The following ORC5 variants were observed in gnomAD, a reference collection of about 807,000 sequenced individuals.
The protein encoded by ORC5 is origin recognition complex subunit 5, also known as protein phosphatase 1, regulatory subunit 117.
In ORC5, 39 loss-of-function variants were observed where a neutral mutation model predicts 58.8. The ratio of observed to expected loss-of-function variants is 0.66; its 90% CI spans 0.51 to 0.87. The LOEUF (loss-of-function observed/expected upper bound fraction) is 0.87. Ranked by LOEUF, ORC5 falls within the 40% of genes least tolerant of loss-of-function variation. The pLI, the probability that ORC5 is intolerant of heterozygous loss-of-function variation, is 0.00. For missense variants in ORC5, 493 were observed against 506.3 expected (o/e 0.97, Z 0.25); for synonymous variants, 218 against 177.6 (o/e 1.23, Z -1.81).
chr7:104,166,744 A>G (rs370162554), intron 10 of ORC5, 28 bp downstream of exon 10: 567 of 1,191,580 alleles, frequency 4.8e-4, no homozygotes, highest in Non-Finnish European at 6.2e-4. Flanking sequence ...CTTAAAAAAT[A>G]AAGTGAAAAG....
At chr7:104,157,732 G>T (rs946475833) in intron 12 of ORC5, among the ~76,000 whole-genome samples, 5 of 152,014 alleles carry the variant, frequency 3.3e-5, no homozygotes, top group African/African-American at 1.2e-4. Flanking sequence ...TCTAAAAACA[G>T]AAAATGCTCT....
chr7:104,149,192 A>C (rs1798807489), intron 12 of ORC5, among the ~76,000 whole-genome samples: 1 of 152,212 alleles, frequency 6.6e-6, no homozygotes. Flanking sequence ...ACAACTCATA[A>C]AATATTAAAA....
chr7:104,137,283 AC>A (rs899343802), intron 12 of ORC5, among the ~76,000 whole-genome samples: 6 of 138,156 alleles, frequency 4.3e-5, no homozygotes, highest in South Asian at 4.8e-4. Flanking sequence ...AAAAAAAAAA[AC>A]AATTTTTTAT....
chr7:104,147,544 A>G (rs1230147587), intron 12 of ORC5, among the ~76,000 whole-genome samples: 3 of 152,166 alleles, frequency 2.0e-5, no homozygotes, highest in African/African-American at 2.4e-5. Context: ...AGGACTTGAA[A>G]CTTTGGAGAT....
intron 12 of ORC5, among the ~76,000 whole-genome samples, chr7:104,145,265 C>T (rs1235370178): frequency 6.6e-6 from 1 of 152,132 alleles, no homozygotes; most frequent in Non-Finnish European, 1.5e-5. Flanking sequence ...TATTCAGTGA[C>T]ACATCTGTGA....
chr7:104,173,842 TTTC>T lies in ORC5; in HGVS notation c.825-5320_825-5318del, dbSNP rs1272060526. Among the ~76,000 whole-genome samples the T allele has an allele frequency of 1.4e-3, 125 of 89,616 alleles. 2 individuals are homozygous for T. Among genetic ancestry groups the T allele is most frequent in the East Asian group, 9.8e-3 (35 of 3,586 alleles). The allele number at this position is 89,616 out of a possible 152,430, so 58.8% of individuals were successfully genotyped here. On this transcript the variant is annotated intron_variant, in intron 8 of 13. Transcript: ENST00000297431. ...ATCTGCATACCTGGGTTTAAAATTT[TTTC>T]TTTTTTTTTTTTTTTTTGAGACGGA...
chr7:104,143,155 CT>C (rs67881335), intron 12 of ORC5, among the ~76,000 whole-genome samples: 8,717 of 151,326 alleles, frequency 0.058, 720 homozygotes, highest in African/African-American at 0.18. Flanking sequence ...CCCCTTAGTA[CT>C]TTTTTTTTAA....
intron 2 of ORC5, among the ~76,000 whole-genome samples, chr7:104,201,639 A>AG (rs1262983286): frequency 9.2e-5 from 14 of 151,732 alleles, no homozygotes; most frequent in East Asian, 5.8e-4. Flanking sequence ...AAAAAAAAAA[A>AG]AAAAGAAAAG....
Position 104,172,633 on chromosome 7 carries a change from T to C in ORC5, c.825-4108A>G, listed in dbSNP as rs539642903. ...ATATTGATTTGTAATCTAGGCTTAATCTAATATCTATAAGACACTTCAATA... is the reference window on the plus strand; with the variant it reads ...ATATTGATTTGTAATCTAGGCTTAACCTAATATCTATAAGACACTTCAATA... On this transcript the variant is annotated intron_variant, in intron 8 of 13. Coordinates refer to ENST00000297431, the MANE Select transcript of ORC5 (RefSeq NM_002553.4). 5.9e-5 allele frequency among the ~76,000 whole-genome samples: 9 copies of C among 152,338 alleles called. No individual in the cohort carries two copies. The East Asian group carries it at 1.5e-3, about 26-fold the overall frequency.
At chr7:104,174,671 A>C (rs374297306) in intron 8 of ORC5, among the ~76,000 whole-genome samples, 2 of 152,202 alleles carry the variant, frequency 1.3e-5, no homozygotes, top group African/African-American at 4.8e-5. Context: ...GCAGTCTCCC[A>C]ATAGATAGAA....
chr7:104,136,699 A>C lies in ORC5; in HGVS notation c.1262+82T>G. ...TAAATAGATGATTTTTTCATGTTTA[A>C]ATGTCATGACTAATGACATCACATT... On this transcript the variant is annotated intron_variant, in intron 13 of 13. Coordinates refer to ENST00000297431, the MANE Select transcript of ORC5 (RefSeq NM_002553.4). This position sits in a 1 kb window ranked among gnomAD's most constrained non-coding sequence, Gnocchi z 4.2. 1 of 850,202 alleles carries C rather than the reference A, an allele frequency of 1.2e-6. No homozygotes were observed. The highest frequency in any genetic ancestry group is 1.6e-5 in the South Asian group (1 of 63,300). The allele number at this position is 850,202 out of a possible 1,614,324, so 52.7% of individuals were successfully genotyped here.
rs1316448072 is a variant in ORC5, at chr7:104,200,966, C to T, written c.166-8G>A. 2.5e-6 allele frequency: 4 copies of T among 1,608,582 alleles called. No homozygotes were observed. The highest frequency in any genetic ancestry group is 1.1e-5 in the South Asian group (1 of 90,376). On this transcript the variant is annotated splice_polypyrimidine_tract_variant and splice_region_variant and intron_variant, in intron 2 of 13. Transcript: ENST00000297431. Reference sequence around the variant, plus strand: ...CACAAACACATGTGGGAGCTGAAAACGAAAACCAAAACACTGTAAGTAAAG... The same window carrying T: ...CACAAACACATGTGGGAGCTGAAAATGAAAACCAAAACACTGTAAGTAAAG...
In ORC5 at chr7:104,183,954, C is replaced by T; in HGVS notation, c.813G>A (p.Arg271=). The change falls in exon 8 of 14, where the codon AGG becomes AGA. Residue 271 remains arginine, a synonymous_variant. Coordinates refer to ENST00000297431, the MANE Select transcript of ORC5 (RefSeq NM_002553.4). The part of the protein sequence containing the change: ...LKKAMQTVYL[R]EISSSQWEKL... Reference sequence around the variant, plus strand: ...AAATAGAAAATTACCTTGATATTTCCCTGAGATAAACAGTCTGCATAGCTT... The same window carrying T: ...AAATAGAAAATTACCTTGATATTTCTCTGAGATAAACAGTCTGCATAGCTT... 6.2e-7 allele frequency: 1 copy of T among 1,606,720 alleles called. No individual in the cohort carries two copies. Among genetic ancestry groups the T allele is most frequent in the Non-Finnish European group, 8.5e-7 (1 of 1,175,448 alleles).
intron 12 of ORC5, among the ~76,000 whole-genome samples, chr7:104,142,210 C>T (rs956092355): frequency 1.2e-4 from 19 of 152,102 alleles, no homozygotes; most frequent in Non-Finnish European, 2.5e-4. Flanking sequence ...AAACTGAACT[C>T]TCATCTTACA....
At chr7:104,198,807 G>A (rs1799861633) in intron 3 of ORC5, among the ~76,000 whole-genome samples, 1 of 152,228 alleles carries the variant, frequency 6.6e-6, no homozygotes, top group African/African-American at 2.4e-5. Flanking sequence ...TCACGTGGCA[G>A]CCCATCCCAT....
chr7:104,179,094 T>TA (rs1161860249), intron 8 of ORC5, among the ~76,000 whole-genome samples: 4 of 147,186 alleles, frequency 2.7e-5, no homozygotes, highest in Admixed American at 1.4e-4. Context: ...AAAAGAAGGT[T>TA]AAAAAGAAAA....
intron 4 of ORC5, 68 bp from the exon 5 acceptor site, chr7:104,195,322 G>T: frequency 1.2e-6 from 1 of 848,076 alleles, no homozygotes; most frequent in Non-Finnish European, 1.8e-6. Flanking sequence ...ATTTCCATTT[G>T]GATTTTTCTT....
intron 8 of ORC5, among the ~76,000 whole-genome samples, chr7:104,181,717 G>A (rs559724425): frequency 9.9e-5 from 15 of 151,942 alleles, no homozygotes; most frequent in African/African-American, 2.7e-4. Context: ...GCGTGAACCC[G>A]GGAGGAGGAG....
chr7:104,179,680 T>C (rs1285195953), intron 8 of ORC5, among the ~76,000 whole-genome samples: 1 of 152,018 alleles, frequency 6.6e-6, no homozygotes, highest in African/African-American at 2.4e-5. Context: ...ACAGTCTTCA[T>C]TTAATTTTCT....
Sources: gnomAD v4.1 joint callset for allele counts (sites outside exome capture counted in the v4.1 genomes callset) on GRCh38, gnomAD v4.1.1 for gene constraint, Gnocchi (gnomAD v3.1) non-coding constraint, MANE v1.5 for transcripts, NCBI Gene and HGNC (gene_info 2026-07-23, HGNC 2026-07-21) for gene names.